Variants in OTUD7A observed in about 807,000 individuals in gnomAD.
The protein encoded by OTUD7A is OTU domain-containing protein 7A.
OTUD7A carries 12 observed loss-of-function variants against 65.7 expected under a neutral mutation model. That is an observed-to-expected ratio of 0.18 (90% CI 0.12 to 0.30). The LOEUF (loss-of-function observed/expected upper bound fraction) is 0.30, where lower values mean the gene tolerates loss of function less well. OTUD7A is among the 10% of genes least tolerant of loss of function. OTUD7A has a pLI of 1.00. For synonymous variants in OTUD7A, 641 were observed against 586.3 expected (o/e 1.09, Z -1.35); for missense variants, 1,148 against 1,304.8 (o/e 0.88, Z 1.85).
At chr15:31,630,539 G>C (rs940893282) in intron 3 of OTUD7A, among the ~76,000 whole-genome samples, 2 of 152,076 alleles carry the variant, frequency 1.3e-5, no homozygotes, top group African/African-American at 4.8e-5. Flanking sequence ...GAATAGGTGT[G>C]GTGCTGAAAA....
chr15:31,586,901 A>G (rs768101086), intron 3 of OTUD7A, among the ~76,000 whole-genome samples: 34 of 151,824 alleles, frequency 2.2e-4, no homozygotes, highest in Non-Finnish European at 4.4e-5. Context: ...CTGCTTGCTG[A>G]AGGGCTCCAG....
At chr15:31,755,009 G>A (rs935739625) in intron 1 of OTUD7A, among the ~76,000 whole-genome samples, 2 of 151,838 alleles carry the variant, frequency 1.3e-5, no homozygotes, top group Non-Finnish European at 2.9e-5. Flanking sequence ...GAGACAGAGA[G>A]AGAGAGAGAG....
intron 3 of OTUD7A, among the ~76,000 whole-genome samples, chr15:31,590,430 A>G (rs1284854889): frequency 3.9e-5 from 6 of 152,194 alleles, no homozygotes; most frequent in Non-Finnish European, 2.9e-5. Context: ...GTATGTGCAT[A>G]GTGTAATTTG....
chr15:31,828,184 A>C (rs894318966), intron 1 of OTUD7A, among the ~76,000 whole-genome samples: 3 of 152,138 alleles, frequency 2.0e-5, no homozygotes, highest in Non-Finnish European at 4.4e-5. Context: ...TCTGCTTTAG[A>C]GATCAGCAGT....
rs1264564751 is a variant in OTUD7A, at chr15:31,483,649, T to C, written c.2447A>G (p.Tyr816Cys). The C allele has an allele frequency of 8.5e-7, 1 of 1,172,584 alleles. No homozygotes were observed. The highest frequency in any genetic ancestry group is 1.0e-6 in the Non-Finnish European group (1 of 952,798). The allele number at this position is 1,172,584 out of a possible 1,614,324, so 72.6% of individuals were successfully genotyped here. Residue 816 changes from tyrosine (Y) to cysteine (C), a missense_variant, in exon 13 of 13, where the codon TAC (tyrosine) becomes TGC (cysteine). Around this residue, in one of 6 missense-constraint regions of OTUD7A, gnomAD observed 842 missense variants for 769.5 expected, o/e 1.09. Transcript: ENST00000307050. ...CAGGGCGGCGGCGCGCGCCGGGCTGTAGCTCTGCGACGACAGCGAGCGGTT... is the reference window on the plus strand; with the variant it reads ...CAGGGCGGCGGCGCGCGCCGGGCTGCAGCTCTGCGACGACAGCGAGCGGTT... ...QQNRSLSSQS[Y>C]SPARAAALRT...
chr15:31,717,073 A>G (rs12437732), intron 1 of OTUD7A, among the ~76,000 whole-genome samples: 18,173 of 152,096 alleles, frequency 0.12, 1,536 homozygotes, highest in East Asian at 0.46. Context: ...CTCCACATAC[A>G]AGTCTGTTCT....
intron 1 of OTUD7A, among the ~76,000 whole-genome samples, chr15:31,784,166 A>T (rs1895611891): frequency 6.6e-6 from 1 of 152,220 alleles, no homozygotes; most frequent in South Asian, 2.1e-4. Flanking sequence ...AATATAATGG[A>T]GTATGAAAAG....
In OTUD7A at chr15:31,610,591, AATTATATATATAT is replaced by A. The variant is rs529536477; in HGVS notation, c.152-40407_152-40395del. ...GCCTCAATAAATTTAAGAAAAATGA[AATTATATATATAT>A]ATATATATATATATTTTTTTTTTTT... On this transcript the variant is annotated intron_variant, in intron 3 of 12. Transcript: ENST00000307050. Among the ~76,000 whole-genome samples the A allele has an allele frequency of 1.1e-3, 117 of 110,426 alleles. 2 individuals are homozygous for A. Among genetic ancestry groups the A allele is most frequent in the Non-Finnish European group, 1.6e-3 (90 of 56,756 alleles). 72.4% of individuals were successfully genotyped at this position (110,426 alleles called of 152,430 possible).
chr15:31,850,325 C>T (rs1169713971), intron 1 of OTUD7A, among the ~76,000 whole-genome samples: 1 of 151,840 alleles, frequency 6.6e-6, no homozygotes, highest in African/African-American at 2.4e-5. Flanking sequence ...AAACCAAACA[C>T]TGCACATTCT....
chr15:31,694,380 C>G lies in OTUD7A; in HGVS notation c.-99-37303G>C, dbSNP rs578145066. Among the ~76,000 whole-genome samples, 4 of 152,342 alleles carry G rather than the reference C, an allele frequency of 2.6e-5. No individual in the cohort carries two copies. The East Asian group carries it at 7.7e-4, about 29-fold the overall frequency. ...TCTCCCTGTCATAACACCCCTCCAC[C>G]CTTCACAAGCCCAGATCCCCTCAAG... On this transcript the variant is annotated intron_variant, in intron 1 of 12. Transcript: ENST00000307050.
intron 5 of OTUD7A, among the ~76,000 whole-genome samples, chr15:31,548,398 T>G (rs1156859476): frequency 3.3e-5 from 5 of 152,144 alleles, no homozygotes; most frequent in Admixed American, 3.3e-4. Context: ...ATCCAATAAA[T>G]CATGCAATTC....
intron 1 of OTUD7A, among the ~76,000 whole-genome samples, chr15:31,690,587 C>T (rs561887939): frequency 6.6e-6 from 1 of 152,322 alleles, no homozygotes; most frequent in African/African-American, 2.4e-5. Flanking sequence ...AGAAATAAAT[C>T]CTCAAATACA....
At chr15:31,627,026 G>A (rs551678448) in intron 3 of OTUD7A, among the ~76,000 whole-genome samples, 46 of 151,762 alleles carry the variant, frequency 3.0e-4, no homozygotes, top group African/African-American at 8.7e-4. Flanking sequence ...TCTCCTCCAC[G>A]TTGATGGCAT....
chr15:31,530,923 G>T, intron 5 of OTUD7A, 115 bp from the exon 6 acceptor site: 1 of 684,446 alleles, frequency 1.5e-6, no homozygotes, highest in Non-Finnish European at 2.4e-6. Flanking sequence ...TCAATAGAAA[G>T]GGGGAACATT....
At chr15:31,753,670 T>TATATATATATATATATATA in intron 1 of OTUD7A, among the ~76,000 whole-genome samples, 1 of 134,976 alleles carries the variant, frequency 7.4e-6, no homozygotes, top group African/African-American at 2.7e-5. Context: ...ATCATATATA[T>TATATATATATATATATATA]ATATATAACC....
intron 1 of OTUD7A, among the ~76,000 whole-genome samples, chr15:31,812,194 C>A (rs1003372954): frequency 6.6e-6 from 1 of 152,130 alleles, no homozygotes; most frequent in Non-Finnish European, 1.5e-5. Context: ...CAAACATGTC[C>A]TGGACCCACT....
At chr15:31,613,443 A>G (rs1031002215) in intron 3 of OTUD7A, among the ~76,000 whole-genome samples, 1 of 152,158 alleles carries the variant, frequency 6.6e-6, no homozygotes, top group African/African-American at 2.4e-5. Context: ...ACTCAAACAA[A>G]TCAGCAAGAA....
At chr15:31,549,550 T>G (rs953140804) in intron 5 of OTUD7A, among the ~76,000 whole-genome samples, 3 of 152,148 alleles carry the variant, frequency 2.0e-5, no homozygotes, top group Admixed American at 1.3e-4. Context: ...TGACTCTGAG[T>G]TGATCAAAAG....
At chr15:31,599,108 C>T (rs373776397) in intron 3 of OTUD7A, among the ~76,000 whole-genome samples, 6 of 152,330 alleles carry the variant, frequency 3.9e-5, no homozygotes, top group East Asian at 1.9e-4. Context: ...CCCTGCCTGA[C>T]GGCTCTGAAG....
Sources: gnomAD v4.1 joint callset for allele counts (sites outside exome capture counted in the v4.1 genomes callset) on GRCh38, gnomAD v4.1.1 for gene constraint, gnomAD v4.1.1 regional missense constraint, MANE v1.5 for transcripts, NCBI Gene and HGNC (gene_info 2026-07-23, HGNC 2026-07-21) for gene names.